The following COMMD10 variants were observed in gnomAD, a reference collection of about 807,000 sequenced individuals.
COMMD10 encodes the protein COMM domain containing 10.
Under a neutral mutation model 28.9 loss-of-function variants are expected in COMMD10, and 33 were observed. The observed-to-expected ratio is 1.14, with a 90% CI of 0.87 to 1.53. The LOEUF is 1.53. Among genes scored for constraint, COMMD10 ranks in the 40% most tolerant of loss-of-function variants. The pLI is 0.00. For synonymous variants in COMMD10, 110 were observed against 81.7 expected, an observed-to-expected ratio of 1.35 and a Z score of -1.87; for missense variants, 310 against 233.4, an observed-to-expected ratio of 1.33 and a Z score of -2.14.
At chr5:116,119,841 C>G (rs1476057363) in intron 4 of COMMD10, among the ~76,000 whole-genome samples, 1 of 152,102 alleles carries the variant, frequency 6.6e-6, no homozygotes, top group African/African-American at 2.4e-5. Context: ...GTCTTGAACT[C>G]TTGGCCTCAA....
chr5:116,255,156 T>C (rs1750244985), intron 5 of COMMD10, among the ~76,000 whole-genome samples: 1 of 151,796 alleles, frequency 6.6e-6, no homozygotes, highest in Non-Finnish European at 1.5e-5. Context: ...GCTTGGTAGA[T>C]CTTCCTCCAT....
chr5:116,201,602 G>A (rs754245930), intron 5 of COMMD10, among the ~76,000 whole-genome samples: 19 of 152,104 alleles, frequency 1.2e-4, no homozygotes, highest in Non-Finnish European at 2.2e-4. Context: ...GAGAAGAATC[G>A]TTGATTTTTC....
At chr5:116,225,480 G>A (rs1333183617) in intron 5 of COMMD10, among the ~76,000 whole-genome samples, 1 of 151,192 alleles carries the variant, frequency 6.6e-6, no homozygotes, top group Non-Finnish European at 1.5e-5. Context: ...GTTCTAGTAG[G>A]CAATTAACTT....
At chr5:116,287,587 G>A (rs924165953) in intron 5 of COMMD10, among the ~76,000 whole-genome samples, 6 of 151,622 alleles carry the variant, frequency 4.0e-5, no homozygotes, top group East Asian at 1.9e-4. Flanking sequence ...AATAATTACC[G>A]ATAGGCAAGG....
chr5:116,204,873 G>A (rs766451834), intron 5 of COMMD10, among the ~76,000 whole-genome samples: 12 of 152,164 alleles, frequency 7.9e-5, no homozygotes, highest in East Asian at 1.9e-4. Flanking sequence ...GGTTCCCATC[G>A]CAATTTTAGA....
chr5:116,193,626 A>G (rs1169617743), intron 5 of COMMD10, among the ~76,000 whole-genome samples: 3 of 152,180 alleles, frequency 2.0e-5, no homozygotes, highest in African/African-American at 4.8e-5. Context: ...AAATGTCACA[A>G]TCCTAAACAT....
intron 5 of COMMD10, among the ~76,000 whole-genome samples, chr5:116,152,334 G>A (rs981296351): frequency 1.3e-5 from 2 of 152,038 alleles, no homozygotes; most frequent in Non-Finnish European, 2.9e-5. Flanking sequence ...TAGGCTACTT[G>A]AACTCTCTCC....
intron 5 of COMMD10, among the ~76,000 whole-genome samples, chr5:116,277,738 G>C (rs1477152984): frequency 6.6e-6 from 1 of 151,814 alleles, no homozygotes; most frequent in Admixed American, 6.6e-5. Flanking sequence ...CCTCATTTAG[G>C]TGCACACATT....
chr5:116,190,684 T>C (rs1411535197), intron 5 of COMMD10, among the ~76,000 whole-genome samples: 3 of 152,214 alleles, frequency 2.0e-5, no homozygotes, highest in African/African-American at 7.2e-5. Flanking sequence ...CTCTTATTTA[T>C]GTTTTAGTTA....
rs529574942 is a variant in COMMD10 at position 116,089,103 on chromosome 5, CG to C, written c.132+1518del. ...GAGAAAGGAGAAACTGCAATGATAG[CG>C]GCAACATTCTGTGGTATTTGCTGTT... On this transcript the variant is annotated intron_variant, in intron 2 of 6. Coordinates refer to ENST00000274458, the MANE Select transcript of COMMD10 (RefSeq NM_016144.4). 4.3e-3 allele frequency among the ~76,000 whole-genome samples: 653 copies of C among 152,272 alleles called. 2 individuals carry two copies. Among genetic ancestry groups the C allele is most frequent in the African/African-American group, 6.8e-3 (281 of 41,554 alleles).
At chr5:116,220,695 A>G (rs1023637156) in intron 5 of COMMD10, among the ~76,000 whole-genome samples, 5 of 152,216 alleles carry the variant, frequency 3.3e-5, no homozygotes, top group South Asian at 2.1e-4. Flanking sequence ...CTAAATCATC[A>G]ACTGAAAAAT....
At chr5:116,086,608 G>A (rs868436852) in intron 1 of COMMD10, among the ~76,000 whole-genome samples, 4 of 152,026 alleles carry the variant, frequency 2.6e-5, no homozygotes, top group African/African-American at 7.3e-5. Flanking sequence ...ACAGGCACCC[G>A]CCACCACGCC....
At chr5:116,182,050 A>G (rs1185959500) in intron 5 of COMMD10, among the ~76,000 whole-genome samples, 1 of 152,104 alleles carries the variant, frequency 6.6e-6, no homozygotes, top group African/African-American at 2.4e-5. Context: ...AAGGACAAGA[A>G]CAAGGAGATG....
chr5:116,277,852 G>A (rs572721095), intron 5 of COMMD10, among the ~76,000 whole-genome samples: 2 of 151,890 alleles, frequency 1.3e-5, no homozygotes, highest in East Asian at 3.9e-4. Flanking sequence ...ATTACATTAG[G>A]TTATTTCATT....
intron 4 of COMMD10, among the ~76,000 whole-genome samples, chr5:116,121,825 G>T (rs955210024): frequency 6.6e-6 from 1 of 152,040 alleles, no homozygotes; most frequent in Non-Finnish European, 1.5e-5. Context: ...TTTTGAATGG[G>T]GTTATTTGTT....
intron 5 of COMMD10, among the ~76,000 whole-genome samples, chr5:116,268,970 A>G (rs1025179396): frequency 1.3e-5 from 2 of 151,690 alleles, no homozygotes; most frequent in Non-Finnish European, 2.9e-5. Flanking sequence ...AGGGAAAGGG[A>G]TAGCATTAGG....
chr5:116,177,023 G>A (rs1753535707), intron 5 of COMMD10, among the ~76,000 whole-genome samples: 1 of 152,130 alleles, frequency 6.6e-6, no homozygotes, highest in Non-Finnish European at 1.5e-5. Flanking sequence ...TAGTTGCTGG[G>A]CAAGCAGGAA....
intron 5 of COMMD10, among the ~76,000 whole-genome samples, chr5:116,153,275 A>G (rs1238039908): frequency 7.3e-6 from 1 of 136,956 alleles, no homozygotes; most frequent in Non-Finnish European, 1.6e-5. Flanking sequence ...CCATGAGGAC[A>G]TTTTCTGTCA....
chr5:116,141,671 T>C (rs1334038298), intron 5 of COMMD10, among the ~76,000 whole-genome samples: 1 of 151,826 alleles, frequency 6.6e-6, no homozygotes, highest in Non-Finnish European at 1.5e-5. Context: ...CTCCTAGCAA[T>C]GGTATAGTAG....
Sources: gnomAD v4.1 joint callset for allele counts (sites outside exome capture counted in the v4.1 genomes callset) on GRCh38, gnomAD v4.1.1 for gene constraint, MANE v1.5 for transcripts, NCBI Gene and HGNC (gene_info 2026-07-23, HGNC 2026-07-21) for gene names.